NPAS3: variants seen among roughly 807,000 people sequenced by gnomAD.
The protein encoded by NPAS3 is neuronal PAS domain-containing protein 3.
NPAS3 carries 14 observed loss-of-function variants against 73.1 expected under a neutral mutation model. The ratio of observed to expected loss-of-function variants is 0.19; its 90% CI spans 0.13 to 0.30. The LOEUF is 0.30. Among genes scored for constraint, NPAS3 ranks in the 10% least tolerant of loss-of-function variants. The probability of loss-of-function intolerance (pLI) is 1.00; values close to 1 mark genes in which losing one functional copy is unlikely to be tolerated. For missense variants in NPAS3, 1,096 were observed against 1,250.0 expected, an observed-to-expected ratio of 0.88 and a Z score of 1.86; for synonymous variants, 620 against 541.5, an observed-to-expected ratio of 1.14 and a Z score of -2.01.
chr14:33,465,392 G>A (rs2050460850), intron 4 of NPAS3, among the ~76,000 whole-genome samples: 1 of 152,132 alleles, frequency 6.6e-6, no homozygotes, highest in South Asian at 2.1e-4. Context: ...TGTAACTACT[G>A]TCTTTAAGCA....
intron 4 of NPAS3, among the ~76,000 whole-genome samples, chr14:33,445,366 A>T (rs1399078863): frequency 1.3e-5 from 2 of 152,172 alleles, no homozygotes; most frequent in African/African-American, 2.4e-5. Flanking sequence ...TGTGAAACTC[A>T]CTGTCTTCTA....
At chr14:33,425,431 A>G (rs116509975) in intron 4 of NPAS3, among the ~76,000 whole-genome samples, 62 of 152,032 alleles carry the variant, frequency 4.1e-4, no homozygotes, top group African/African-American at 1.4e-3. Context: ...GCTTTATTAA[A>G]TACCTTTATT....
At chr14:33,664,825 G>A (rs559387216) in intron 5 of NPAS3, among the ~76,000 whole-genome samples, 45 of 152,334 alleles carry the variant, frequency 3.0e-4, no homozygotes, top group South Asian at 8.3e-4. Flanking sequence ...TCTCACACCA[G>A]TTAGAATGGC....
At chr14:33,059,824 A>G (rs558851367) in intron 2 of NPAS3, among the ~76,000 whole-genome samples, 1 of 152,366 alleles carries the variant, frequency 6.6e-6, no homozygotes, top group South Asian at 2.1e-4. Context: ...TTTTTTATTT[A>G]GAGACAGGGT....
intron 5 of NPAS3, among the ~76,000 whole-genome samples, chr14:33,561,115 A>G (rs2055627151): frequency 6.6e-6 from 1 of 152,200 alleles, no homozygotes; most frequent in African/African-American, 2.4e-5. Flanking sequence ...GCCAAGTTGG[A>G]TAATCTACCG....
intron 4 of NPAS3, among the ~76,000 whole-genome samples, chr14:33,469,344 C>CTAG (rs2050678231): frequency 6.7e-6 from 1 of 149,976 alleles, no homozygotes; most frequent in Admixed American, 6.7e-5. Flanking sequence ...GTTCTATGTG[C>CTAG]TAGTCATAGA....
At chr14:33,602,102 T>G (rs1278094345) in intron 5 of NPAS3, among the ~76,000 whole-genome samples, 1 of 152,140 alleles carries the variant, frequency 6.6e-6, no homozygotes, top group Middle Eastern at 3.2e-3. Flanking sequence ...AGACCTCGAT[T>G]AGCTAGAATT....
intron 5 of NPAS3, among the ~76,000 whole-genome samples, chr14:33,577,596 A>G (rs1364827847): frequency 1.3e-5 from 2 of 152,132 alleles, no homozygotes; most frequent in African/African-American, 4.8e-5. Context: ...TCTGCATTCC[A>G]TCTCATATCC....
intron 6 of NPAS3, chr14:33,680,953 C>CTTACGCTATGTCCCGAA (rs2059920067): frequency 6.3e-6 from 2 of 316,766 alleles, no homozygotes; most frequent in African/African-American, 4.3e-5. Context: ...TGCTATTATA[C>CTTACGCTATGTCCCGAA]TTACGCTATG....
chr14:33,533,414 G>T (rs1364745995), intron 4 of NPAS3, among the ~76,000 whole-genome samples: 2 of 152,144 alleles, frequency 1.3e-5, no homozygotes, highest in Non-Finnish European at 2.9e-5. Context: ...ATTAACAGCA[G>T]TGACAGATGC....
chr14:33,604,368 T>C (rs779742068), intron 5 of NPAS3, among the ~76,000 whole-genome samples: 175 of 152,022 alleles, frequency 1.2e-3, no homozygotes, highest in Non-Finnish European at 2.4e-3. Flanking sequence ...GCTATGTTAA[T>C]AGGAAACAAA....
intron 6 of NPAS3, among the ~76,000 whole-genome samples, chr14:33,701,219 T>A (rs960179252): frequency 2.0e-5 from 3 of 152,248 alleles, no homozygotes; most frequent in African/African-American, 7.2e-5. Context: ...CTGAGTTCCA[T>A]AACAACCCTG....
At chr14:33,674,866 G>C (rs1206424907) in intron 5 of NPAS3, among the ~76,000 whole-genome samples, 1 of 152,206 alleles carries the variant, frequency 6.6e-6, no homozygotes, top group African/African-American at 2.4e-5. Flanking sequence ...TGGAGTCTGG[G>C]AGTAGATGTG....
intron 8 of NPAS3, among the ~76,000 whole-genome samples, chr14:33,775,768 G>C (rs999099704): frequency 3.3e-5 from 5 of 152,180 alleles, no homozygotes; most frequent in Admixed American, 2.6e-4. Flanking sequence ...GAGATATTCT[G>C]GAAGGGCCAC....
At chr14:33,782,355 T>C (rs1475588672) in intron 9 of NPAS3, among the ~76,000 whole-genome samples, 1 of 152,160 alleles carries the variant, frequency 6.6e-6, no homozygotes, top group East Asian at 1.9e-4. Flanking sequence ...TTATGAGACG[T>C]TTCAGTGCAA....
intron 5 of NPAS3, among the ~76,000 whole-genome samples, chr14:33,588,995 A>C (rs977412151): frequency 6.6e-6 from 1 of 152,308 alleles, no homozygotes; most frequent in South Asian, 2.1e-4. Flanking sequence ...TCCTATATTC[A>C]GACTGGCTGT....
intron 5 of NPAS3, among the ~76,000 whole-genome samples, chr14:33,585,326 A>G (rs1357348782): frequency 6.6e-6 from 1 of 152,196 alleles, no homozygotes; most frequent in African/African-American, 2.4e-5. Context: ...TAAAAAGGAC[A>G]TAAGAACAAT....
At chr14:33,136,807 G>A (rs1425702934) in intron 2 of NPAS3, among the ~76,000 whole-genome samples, 2 of 152,202 alleles carry the variant, frequency 1.3e-5, no homozygotes, top group Non-Finnish European at 2.9e-5. Context: ...TATACTTCGT[G>A]TATCTGTTAC....
chr14:32,972,193 C>T (rs764453033), intron 1 of NPAS3, among the ~76,000 whole-genome samples: 1 of 151,924 alleles, frequency 6.6e-6, no homozygotes, highest in Non-Finnish European at 1.5e-5. Context: ...CCACCTCAGC[C>T]TCCCAAAGTG....
Sources: gnomAD v4.1 joint callset for allele counts (sites outside exome capture counted in the v4.1 genomes callset) on GRCh38, gnomAD v4.1.1 for gene constraint, MANE v1.5 for transcripts, NCBI Gene and HGNC (gene_info 2026-07-23, HGNC 2026-07-21) for gene names.